ZFPM2: variants seen among roughly 807,000 people sequenced by gnomAD.
The protein encoded by ZFPM2 is zinc finger protein, FOG family member 2, also known as zinc finger protein ZFPM2.
In ZFPM2, 20 loss-of-function variants were observed where a neutral mutation model predicts 98.6. The observed-to-expected ratio is 0.20, with a 90% CI of 0.14 to 0.29. The LOEUF (loss-of-function observed/expected upper bound fraction) is 0.29. Among genes scored for constraint, ZFPM2 ranks in the 10% least tolerant of loss-of-function variants. The pLI, the probability that ZFPM2 is intolerant of heterozygous loss-of-function variation, is 1.00. For synonymous variants in ZFPM2, 518 were observed against 502.7 expected (o/e 1.03, Z -0.41); for missense variants, 1,310 against 1,388.6 (o/e 0.94, Z 0.90).
intron 3 of ZFPM2, among the ~76,000 whole-genome samples, chr8:105,456,585 C>A (rs1812597310): frequency 6.6e-6 from 1 of 152,016 alleles, no homozygotes; most frequent in Admixed American, 6.6e-5. Context: ...AATTTGTATT[C>A]CTGTATTAAA....
chr8:105,525,568 C>T (rs1469566481), intron 3 of ZFPM2, among the ~76,000 whole-genome samples: 1 of 152,022 alleles, frequency 6.6e-6, no homozygotes, highest in South Asian at 2.1e-4. Context: ...AATGTCAAAT[C>T]GATAGGAATA....
chr8:105,649,669 A>G (rs1187605520), intron 5 of ZFPM2, among the ~76,000 whole-genome samples: 1 of 152,138 alleles, frequency 6.6e-6, no homozygotes, highest in East Asian at 1.9e-4. Flanking sequence ...TTCTGTTTAT[A>G]TGCTGGATTA....
chr8:105,729,086 A>G (rs1309689217), intron 5 of ZFPM2, among the ~76,000 whole-genome samples: 1 of 151,768 alleles, frequency 6.6e-6, no homozygotes, highest in Admixed American at 6.6e-5. Flanking sequence ...ATTATATTTC[A>G]AAGTGTCATA....
chr8:105,327,103 C>A (rs1423866750), intron 1 of ZFPM2, among the ~76,000 whole-genome samples: 1 of 151,210 alleles, frequency 6.6e-6, no homozygotes, highest in Non-Finnish European at 1.5e-5. Flanking sequence ...TTATTCTAAT[C>A]CACATTTGGA....
chr8:105,702,628 G>T (rs1471517484), intron 5 of ZFPM2, among the ~76,000 whole-genome samples: 1 of 152,198 alleles, frequency 6.6e-6, no homozygotes, highest in Non-Finnish European at 1.5e-5. Context: ...AAGTGTTTCA[G>T]TGTGGTAAAT....
intron 1 of ZFPM2, among the ~76,000 whole-genome samples, chr8:105,399,364 T>G (rs1213631090): frequency 1.3e-5 from 2 of 151,966 alleles, no homozygotes; most frequent in Non-Finnish European, 2.9e-5. Flanking sequence ...ACACAAGAAG[T>G]AGAGATGGTG....
intron 5 of ZFPM2, among the ~76,000 whole-genome samples, chr8:105,749,914 G>C (rs546303412): frequency 2.8e-4 from 43 of 152,122 alleles, no homozygotes; most frequent in African/African-American, 1.0e-3. Context: ...TTAGGAATTT[G>C]AGTATAATGA....
At chr8:105,660,441 G>A (rs1817365970) in intron 5 of ZFPM2, among the ~76,000 whole-genome samples, 1 of 152,104 alleles carries the variant, frequency 6.6e-6, no homozygotes, top group Admixed American at 6.5e-5. Flanking sequence ...TAGTGATGGT[G>A]AAGAATGAAT....
chr8:105,598,647 G>A (rs1563736932), intron 4 of ZFPM2, among the ~76,000 whole-genome samples: 2 of 152,026 alleles, frequency 1.3e-5, no homozygotes, highest in Non-Finnish European at 2.9e-5. Context: ...AAATAAACTA[G>A]TTTTATTTCC....
chr8:105,540,679 C>T (rs751786326), intron 3 of ZFPM2, among the ~76,000 whole-genome samples: 1 of 152,016 alleles, frequency 6.6e-6, no homozygotes, highest in African/African-American at 2.4e-5. Context: ...CACGTATTTT[C>T]GTGTTTAAGT....
intron 4 of ZFPM2, among the ~76,000 whole-genome samples, chr8:105,627,435 A>G (rs1816680062): frequency 6.6e-6 from 1 of 152,184 alleles, no homozygotes; most frequent in Admixed American, 6.5e-5. Context: ...TTAAAAAAGA[A>G]GACATTCCAG....
chr8:105,692,545 T>C (rs896514159), intron 5 of ZFPM2, among the ~76,000 whole-genome samples: 2 of 152,364 alleles, frequency 1.3e-5, no homozygotes, highest in Admixed American at 6.5e-5. Flanking sequence ...CAATGTAGCA[T>C]GCATTAAGTG....
rs182479422 is a variant in ZFPM2, at chr8:105,765,282, T to C, written c.533-23436T>C. 2.7e-3 allele frequency among the ~76,000 whole-genome samples: 415 copies of C among 151,904 alleles called. 3 individuals are homozygous for C. Among genetic ancestry groups the C allele is most frequent in the African/African-American group, 9.7e-3 (401 of 41,520 alleles). ...AGCACAAATACTAGTTTTAATCTAG[T>C]ACGTAAAATGGGTTGTTTAGAATCC... is the stretch of plus-strand genomic sequence containing the variant. On this transcript the variant is annotated intron_variant, in intron 5 of 7. Transcript: ENST00000407775.
At chr8:105,681,835 C>T (rs1382903875) in intron 5 of ZFPM2, among the ~76,000 whole-genome samples, 3 of 151,896 alleles carry the variant, frequency 2.0e-5, no homozygotes, top group African/African-American at 7.3e-5. Flanking sequence ...TGCTTTGTGT[C>T]TTTTTTTTCA....
chr8:105,802,469 C>G lies in ZFPM2; in HGVS notation c.2387C>G (p.Ser796Cys), dbSNP rs533157806. Reference sequence around the variant, plus strand: ...TGTGATATCTTTCCAGGAATTGTCTCTAAACACTTGGAAACTTCTCTGACG... The same window carrying G: ...TGTGATATCTTTCCAGGAATTGTCTGTAAACACTTGGAAACTTCTCTGACG... ...PRCDIFPGIVSKHLETSLTIN... is the reference protein window; with the variant it reads ...PRCDIFPGIVCKHLETSLTIN... The change falls in exon 8 of 8, where the codon TCT (serine) becomes TGT (cysteine). Residue 796 changes from serine (S) to cysteine (C), a missense_variant. Physicochemically the swap from Ser to Cys is moderately radical, Grantham distance 112. Coordinates refer to ENST00000407775, the MANE Select transcript of ZFPM2 (RefSeq NM_012082.4). The G allele has an allele frequency of 1.5e-5, 25 of 1,613,488 alleles. No individual in the cohort carries two copies. The South Asian group carries it at 2.5e-4, about 16-fold the overall frequency.
At chr8:105,351,489 AT>A (rs1218491342) in intron 1 of ZFPM2, among the ~76,000 whole-genome samples, 2 of 151,950 alleles carry the variant, frequency 1.3e-5, no homozygotes, top group Non-Finnish European at 2.9e-5. Flanking sequence ...TTTAACTAGA[AT>A]TTTTAGGTGC....
chr8:105,348,037 G>C (rs1181425164), intron 1 of ZFPM2, among the ~76,000 whole-genome samples: 1 of 152,140 alleles, frequency 6.6e-6, no homozygotes, highest in African/African-American at 2.4e-5. Context: ...GTGTGTGTGT[G>C]AGTGTAATGT....
rs1466316673 is a variant in ZFPM2, at chr8:105,788,698, T to G, written c.533-20T>G. 4 of 1,612,442 alleles carry G rather than the reference T, an allele frequency of 2.5e-6. No individual in the cohort carries two copies. The stretch of plus-strand genomic sequence containing the variant: ...AGCATCCTATGTCAATTTTATCTTT[T>G]TCTTTTTTCTTCTTAATAGGGGGTC... On this transcript the variant is annotated intron_variant, in intron 5 of 7. Transcript: ENST00000407775.
intron 5 of ZFPM2, among the ~76,000 whole-genome samples, chr8:105,646,143 T>C (rs1327099986): frequency 1.4e-5 from 2 of 147,380 alleles, no homozygotes; most frequent in Non-Finnish European, 3.0e-5. Context: ...AAAAAAAAAA[T>C]AATAATGGTG....
Sources: allele counts gnomAD v4.1 joint callset (sites outside exome capture counted in the v4.1 genomes callset), GRCh38; gene constraint gnomAD v4.1.1; transcripts MANE v1.5; gene names NCBI Gene and HGNC (gene_info 2026-07-23, HGNC 2026-07-21).